The following BIRC6 variants were observed in gnomAD, a reference collection of about 807,000 sequenced individuals.
BIRC6 encodes baculoviral IAP repeat containing 6.
A neutral mutation model predicts 503.3 loss-of-function variants in BIRC6; 98 were observed. The ratio of observed to expected loss-of-function variants is 0.19; its 90% CI spans 0.17 to 0.23. The LOEUF (loss-of-function observed/expected upper bound fraction) is 0.23, where lower values mean the gene tolerates loss of function less well. Among genes scored for constraint, BIRC6 ranks in the 10% least tolerant of loss-of-function variants. The pLI is 1.00. For missense variants in BIRC6, 5,360 were observed against 5,806.0 expected, an observed-to-expected ratio of 0.92 and a Z score of 2.50; for synonymous variants, 2,240 against 2,078.7, an observed-to-expected ratio of 1.08 and a Z score of -2.11.
chr2:32,359,077 C>T (rs2033645165), intron 1 of BIRC6, among the ~76,000 whole-genome samples: 2 of 152,226 alleles, frequency 1.3e-5, no homozygotes, highest in African/African-American at 4.8e-5. Context: ...GGATTAAAAT[C>T]TCAGCTGAAT....
At chr2:32,460,920 G>A (rs1428828775) in intron 23 of BIRC6, among the ~76,000 whole-genome samples, 1 of 151,760 alleles carries the variant, frequency 6.6e-6, no homozygotes, top group Non-Finnish European at 1.5e-5. Flanking sequence ...GATTTGCTGT[G>A]GAACACTTGA....
intron 61 of BIRC6, among the ~76,000 whole-genome samples, chr2:32,534,247 G>C (rs995853856): frequency 6.6e-5 from 10 of 150,924 alleles, no homozygotes; most frequent in Non-Finnish European, 7.4e-5. Flanking sequence ...GGTAGTGGGT[G>C]CCTGTTATCC....
At chr2:32,379,176 A>G (rs532472378) in intron 2 of BIRC6, 1 of 152,308 alleles carries the variant, frequency 6.6e-6, no homozygotes, top group South Asian at 2.1e-4. Context: ...TCTTTTTCTC[A>G]TCAGAGTATT....
intron 55 of BIRC6, among the ~76,000 whole-genome samples, chr2:32,516,376 T>C (rs2055038669): frequency 6.6e-6 from 1 of 151,362 alleles, no homozygotes; most frequent in Non-Finnish European, 1.5e-5. Flanking sequence ...ATTAGCCGAG[T>C]GTGGTGGCAT....
At chr2:32,563,397 G>A (rs1292146163) in intron 65 of BIRC6, 2 of 152,126 alleles carry the variant, frequency 1.3e-5, no homozygotes, top group Non-Finnish European at 2.9e-5. Flanking sequence ...CTGTGGAATA[G>A]GGAAGGTTTT....
At chr2:32,373,322 A>G (rs2036247212) in intron 1 of BIRC6, among the ~76,000 whole-genome samples, 1 of 152,240 alleles carries the variant, frequency 6.6e-6, no homozygotes, top group African/African-American at 2.4e-5. Context: ...GAAGATTAAC[A>G]CTTGATTTCA....
chr2:32,541,912 T>C (rs1381649789), intron 61 of BIRC6, among the ~76,000 whole-genome samples: 1 of 152,126 alleles, frequency 6.6e-6, no homozygotes, highest in African/African-American at 2.4e-5. Flanking sequence ...CTTATTCAGC[T>C]TTTGCCTGTC....
chr2:32,557,736 C>G (rs1211279592), intron 65 of BIRC6: 5 of 152,184 alleles, frequency 3.3e-5, no homozygotes, highest in Admixed American at 3.3e-4. Flanking sequence ...CCAAAACAAT[C>G]ACTAAGAGGT....
intron 51 of BIRC6, among the ~76,000 whole-genome samples, chr2:32,508,579 A>T (rs142902397): frequency 2.6e-5 from 4 of 152,050 alleles, no homozygotes; most frequent in African/African-American, 9.7e-5. Context: ...GCAAATGCCT[A>T]TGACCAGCCT....
At position 32,406,546 on chromosome 2, in the gene BIRC6, A is replaced by G; in HGVS notation, c.1466A>G (p.Asp489Gly). 6.2e-7 allele frequency: 1 copy of G among 1,608,564 alleles called. No individual in the cohort carries two copies. Among genetic ancestry groups the G allele is most frequent in the Non-Finnish European group, 8.5e-7 (1 of 1,175,888 alleles). ...DSDSEEHSRS[D>G]SVTGHTSQKE... ...GACAGTGAAGAGCATTCCAGATCAGATTCTGTGACAGGTATGTAAAAAGTA... is the reference window on the plus strand; with the variant it reads ...GACAGTGAAGAGCATTCCAGATCAGGTTCTGTGACAGGTATGTAAAAAGTA... The change falls in exon 9 of 74, where the codon GAT becomes GGT. Residue 489 changes from aspartate to glycine, a missense_variant. Asp to Gly is a moderately conservative substitution (Grantham distance 94). This residue lies in a region of BIRC6 where 700 missense variants were observed against 739.3 expected (regional missense o/e 0.95). Coordinates refer to ENST00000421745, the MANE Select transcript of BIRC6 (RefSeq NM_016252.4).
chr2:32,592,058 T>C (rs1337211472), intron 66 of BIRC6, among the ~76,000 whole-genome samples: 1 of 152,222 alleles, frequency 6.6e-6, no homozygotes, highest in Non-Finnish European at 1.5e-5. Context: ...AAAGACACAG[T>C]ATAGTAGTTG....
In BIRC6 at chr2:32,357,133, A is replaced by C; in HGVS notation, c.-29A>C. On this transcript the variant is annotated 5_prime_UTR_variant, in exon 1 of 74. Transcript: ENST00000421745. The surrounding 1 kb of genome is among the most constrained non-coding windows in gnomAD (Gnocchi z 4.9). Reference sequence around the variant, plus strand: ...CGGGCGCCTGACTTCACTTCCGGCTAACGCGCTCGGCTTGCCCCCTGGCCC... The same window carrying C: ...CGGGCGCCTGACTTCACTTCCGGCTCACGCGCTCGGCTTGCCCCCTGGCCC... 1 of 1,460,076 alleles carries C rather than the reference A, an allele frequency of 6.8e-7. No homozygotes were observed. Among genetic ancestry groups the C allele is most frequent in the Non-Finnish European group, 8.9e-7 (1 of 1,120,064 alleles). 90.4% of individuals were successfully genotyped at this position (1,460,076 alleles called of 1,614,324 possible).
Position 32,375,480 on chromosome 2 carries a change from A to C in BIRC6, c.326-2108A>C, listed in dbSNP as rs73922724. Among the ~76,000 whole-genome samples the C allele has an allele frequency of 6.9e-3, 1,044 of 152,082 alleles. 12 individuals are homozygous for C. The highest frequency in any genetic ancestry group is 0.024 in the African/African-American group (980 of 41,486). ...AACGTAACGAGACCCTGTCTCTAAA[A>C]AAACAAACAAACAAAAAAAACCCCC... is the stretch of plus-strand genomic sequence containing the variant. On this transcript the variant is annotated intron_variant, in intron 1 of 73. Transcript: ENST00000421745.
chr2:32,365,016 A>G (rs950296371), intron 1 of BIRC6, among the ~76,000 whole-genome samples: 3 of 152,218 alleles, frequency 2.0e-5, no homozygotes, highest in Admixed American at 6.5e-5. Flanking sequence ...TCGGATCTCA[A>G]TAGCCCTAGA....
At position 32,515,660 on chromosome 2, in the gene BIRC6, G is replaced by T; in HGVS notation, c.11239G>T (p.Ala3747Ser). The change falls in exon 55 of 74, where the codon GCT (alanine) becomes TCT (serine). Residue 3747 changes from alanine (A) to serine (S), a missense_variant. Physicochemically the swap from Ala to Ser is moderately conservative, Grantham distance 99. Around this residue, in one of 16 missense-constraint regions of BIRC6, gnomAD observed 878 missense variants for 928.9 expected, o/e 0.95. Transcript: ENST00000421745. ...SARSASLSSA[A>S]TTGLTTQQRT... ...AAGATCAGCTTCTCTTTCTTCAGCT[G>T]CTACAACAGGACTGACTACTCAACA... 6.2e-7 allele frequency: 1 copy of T among 1,609,582 alleles called. No homozygotes were observed.
Position 32,380,218 on chromosome 2 carries a change from G to C in BIRC6, c.573G>C (p.Leu191Phe), listed in dbSNP as rs754210416. ...VDISSTEGYDLFITQLKDGLK... is the reference protein window; with the variant it reads ...VDISSTEGYDFFITQLKDGLK... ...TTTCTAGTACAGAGGGTTATGATTT[G>C]TTCATCACACAGCTCAAAGATGGTT... Residue 191 changes from leucine to phenylalanine, a missense_variant, in exon 3 of 74, where the codon TTG (leucine) becomes TTC (phenylalanine). By Grantham distance (22) the Leu-to-Phe change is conservative. Coordinates refer to ENST00000421745, the MANE Select transcript of BIRC6 (RefSeq NM_016252.4). The C allele has an allele frequency of 1.2e-6, 2 of 1,609,444 alleles. No individual in the cohort carries two copies. The highest frequency in any genetic ancestry group is 2.2e-5 in the East Asian group (1 of 44,760).
At chr2:32,446,157 G>GA (rs1457709696) in intron 21 of BIRC6, among the ~76,000 whole-genome samples, 1 of 152,146 alleles carries the variant, frequency 6.6e-6, no homozygotes, top group Non-Finnish European at 1.5e-5. Flanking sequence ...TGCCCGGCCA[G>GA]AAATTACTCT....
intron 4 of BIRC6, among the ~76,000 whole-genome samples, chr2:32,390,817 C>A (rs534299986): frequency 6.6e-6 from 1 of 152,294 alleles, no homozygotes; most frequent in South Asian, 2.1e-4. Context: ...AAACTGATTT[C>A]TGCGTAATCA....
chr2:32,526,162 T>G (rs1037865620), intron 59 of BIRC6, among the ~76,000 whole-genome samples: 1 of 152,340 alleles, frequency 6.6e-6, no homozygotes, highest in South Asian at 2.1e-4. Flanking sequence ...CGACCTCATA[T>G]GACGGTTACA....
Sources: allele counts gnomAD v4.1 joint callset (sites outside exome capture counted in the v4.1 genomes callset), GRCh38; gene constraint gnomAD v4.1.1; regional missense constraint gnomAD v4.1.1; non-coding constraint Gnocchi (gnomAD v3.1); transcripts MANE v1.5; gene names NCBI Gene and HGNC (gene_info 2026-07-23, HGNC 2026-07-21).